The following STK17A variants were observed in gnomAD, a reference collection of about 807,000 sequenced individuals.
The protein encoded by STK17A is serine/threonine-protein kinase 17A.
STK17A carries 26 observed loss-of-function variants against 43.7 expected under a neutral mutation model. The ratio of observed to expected loss-of-function variants is 0.60; its 90% CI spans 0.44 to 0.83. The LOEUF is 0.83. Ranked by LOEUF, STK17A falls within the 40% of genes least tolerant of loss-of-function variation. STK17A has a pLI of 0.00. For synonymous variants in STK17A, 191 were observed against 182.5 expected, an observed-to-expected ratio of 1.05 and a Z score of -0.38; for missense variants, 476 against 511.6, an observed-to-expected ratio of 0.93 and a Z score of 0.67.
chr7:43,594,032 G>A (rs1305672981), intron 1 of STK17A, among the ~76,000 whole-genome samples: 1 of 152,130 alleles, frequency 6.6e-6, no homozygotes, highest in African/African-American at 2.4e-5. Flanking sequence ...TGCTTTGATC[G>A]ATTATACCTG....
At chr7:43,583,697 G>A (rs1205486413) in intron 1 of STK17A, among the ~76,000 whole-genome samples, 1 of 152,212 alleles carries the variant, frequency 6.6e-6, no homozygotes, top group East Asian at 1.9e-4. Context: ...CGGAGGCGCG[G>A]ACACTTTCCT....
At chr7:43,594,889 A>AC in intron 1 of STK17A, among the ~76,000 whole-genome samples, 1 of 144,958 alleles carries the variant, frequency 6.9e-6, no homozygotes, top group East Asian at 2.1e-4. Context: ...AAAAAAAAAA[A>AC]AGAAAGAAAG....
At chr7:43,589,932 AT>A (rs1428027542) in intron 1 of STK17A, among the ~76,000 whole-genome samples, 1 of 113,442 alleles carries the variant, frequency 8.8e-6, no homozygotes, top group African/African-American at 2.8e-5. Flanking sequence ...TTTAATTTTA[AT>A]TTTAATTTTA....
At position 43,624,448 on chromosome 7, in the gene STK17A, A is replaced by G. The variant is rs147982306; in HGVS notation, c.921-70A>G. 3.5e-6 allele frequency: 5 copies of G among 1,442,464 alleles called. No individual in the cohort carries two copies. The African/African-American group carries it at 5.7e-5, about 17-fold the overall frequency. 89.4% of individuals were successfully genotyped at this position (1,442,464 alleles called of 1,614,324 possible). The stretch of plus-strand genomic sequence containing the variant: ...CTTCCCAAAATATAATGCAATAAAT[A>G]CAGTACCTTATGCTCTAATTTTAAT... On this transcript the variant is annotated intron_variant, in intron 6 of 6. Coordinates refer to ENST00000319357, the MANE Select transcript of STK17A (RefSeq NM_004760.3).
chr7:43,617,177 A>G (rs949550054), intron 3 of STK17A, among the ~76,000 whole-genome samples: 2 of 152,170 alleles, frequency 1.3e-5, no homozygotes, highest in African/African-American at 4.8e-5. Context: ...CTGGAGAGCT[A>G]GTTAGGCAGA....
At position 43,607,307 on chromosome 7, in the gene STK17A, T is replaced by C. The variant is rs191473642; in HGVS notation, c.420-949T>C. ...TAGTTAGCAGTATATTTTGTGCTTA[T>C]GTAAACTACTTAAATTGTTGAAAAC... On this transcript the variant is annotated intron_variant, in intron 2 of 6. Coordinates refer to ENST00000319357, the MANE Select transcript of STK17A (RefSeq NM_004760.3). 3.9e-4 allele frequency among the ~76,000 whole-genome samples: 59 copies of C among 152,274 alleles called. 1 individual carries two copies. Among genetic ancestry groups the C allele is most frequent in the Middle Eastern group, 3.4e-3 (1 of 294 alleles).
At position 43,623,877 on chromosome 7, in the gene STK17A, T is replaced by C. The variant is rs535467337; in HGVS notation, c.909T>C (p.Val303=). 2 of 1,542,730 alleles carry C rather than the reference T, an allele frequency of 1.3e-6. No homozygotes were observed. The highest frequency in any genetic ancestry group is 1.4e-5 in the African/African-American group (1 of 72,366). The part of the protein sequence containing the change: ...SAVDFIRTLL[V]KKPEDRATAE... ...TTGATTTCATCAGGACACTTTTAGT[T>C]AAGAAACCTGAGTAAGTATTATTTT... Residue 303 remains valine, a synonymous_variant, in exon 6 of 7, where the codon GTT becomes GTC. Coordinates refer to ENST00000319357, the MANE Select transcript of STK17A (RefSeq NM_004760.3).
In STK17A at chr7:43,608,392, G is replaced by A; in HGVS notation, c.556G>A (p.Asp186Asn). The change falls in exon 3 of 7, where the codon GAT (aspartate) becomes AAT (asparagine). Residue 186 changes from aspartate (D) to asparagine (N), a missense_variant. Asp to Asn is a conservative substitution (Grantham distance 23, BLOSUM62 1). This residue lies in a region of STK17A where 320 missense variants were observed against 326.3 expected (regional missense o/e 0.98). Coordinates refer to ENST00000319357, the MANE Select transcript of STK17A (RefSeq NM_004760.3). The stretch of plus-strand genomic sequence containing the variant: ...ACACACTCGTGATGTAGTTCATCTT[G>A]ATTTGAAGGTAAGATTCAAATTACA... Reference protein sequence around the residue: ...FLHTRDVVHLDLKPQNILLTS... With the variant: ...FLHTRDVVHLNLKPQNILLTS... 1.3e-6 allele frequency: 2 copies of A among 1,599,854 alleles called. No homozygotes were observed. The highest frequency in any genetic ancestry group is 8.5e-7 in the Non-Finnish European group (1 of 1,175,350).
chr7:43,592,561 C>T (rs1331205364), intron 1 of STK17A, among the ~76,000 whole-genome samples: 1 of 151,712 alleles, frequency 6.6e-6, no homozygotes, highest in African/African-American at 2.4e-5. Context: ...TAGAATTTAA[C>T]AGGGCAGGCC....
intron 3 of STK17A, among the ~76,000 whole-genome samples, chr7:43,615,909 T>C (rs963512158): frequency 1.3e-5 from 2 of 152,188 alleles, no homozygotes; most frequent in East Asian, 1.9e-4. Context: ...AGGCCTTCTC[T>C]GACTCCCCTA....
rs2084451771 is a variant in STK17A, at chr7:43,625,761, GA to G, written c.*920del. The G allele has an allele frequency of 2.0e-5, 3 of 151,786 alleles. No homozygotes were observed. Among genetic ancestry groups the G allele is most frequent in the African/African-American group, 7.3e-5 (3 of 41,144 alleles). The allele number at this position is 151,786 out of a possible 1,614,324, so 9.4% of individuals were successfully genotyped here. On this transcript the variant is annotated 3_prime_UTR_variant, in exon 7 of 7. Transcript: ENST00000319357. ...AGTAAAATCCCCTAGAGCAGAGAGA[GA>G]GAGAGAGAGAGAGAGTGTCTTCATG...
intron 3 of STK17A, among the ~76,000 whole-genome samples, chr7:43,615,533 G>A (rs2152993335): frequency 6.6e-6 from 1 of 152,276 alleles, no homozygotes; most frequent in Middle Eastern, 3.4e-3. Context: ...GCCTTGAAAA[G>A]TCTGAGGACT....
intron 1 of STK17A, among the ~76,000 whole-genome samples, chr7:43,591,215 C>T (rs1210055061): frequency 6.6e-6 from 1 of 151,430 alleles, no homozygotes; most frequent in Non-Finnish European, 1.5e-5. Context: ...CTACAGCCAG[C>T]CACCTATTTT....
intron 2 of STK17A, among the ~76,000 whole-genome samples, chr7:43,598,460 A>C (rs1171018333): frequency 4.3e-5 from 6 of 139,752 alleles, no homozygotes; most frequent in African/African-American, 1.3e-4. Context: ...ACACAGCAAG[A>C]CTCCGTCTCA....
chr7:43,593,393 T>C (rs1340397515), intron 1 of STK17A, among the ~76,000 whole-genome samples: 2 of 152,236 alleles, frequency 1.3e-5, no homozygotes, highest in Non-Finnish European at 2.9e-5. Flanking sequence ...TAATTTCTTT[T>C]CCTTTGGGCA....
At position 43,583,286 on chromosome 7, in the gene STK17A, G is replaced by A; in HGVS notation, c.43G>A (p.Gly15Ser). The A allele has an allele frequency of 6.5e-7, 1 of 1,543,260 alleles. No homozygotes were observed. The highest frequency in any genetic ancestry group is 1.2e-5 in the South Asian group (1 of 84,400). The stretch of plus-strand genomic sequence containing the variant: ...GCCAGGCAGCGGCGGCTCCTCCCCA[G>A]GCGCCACCTCAGGCTCGGGCCGGGC... ...EKPGSGGSSP[G>S]ATSGSGRAGR... is the part of the protein sequence containing the mutation. The change falls in exon 1 of 7, where the codon GGC becomes AGC. Residue 15 changes from glycine to serine, a missense_variant. This residue lies in a region of STK17A where 320 missense variants were observed against 326.3 expected (regional missense o/e 0.98). Coordinates refer to ENST00000319357, the MANE Select transcript of STK17A (RefSeq NM_004760.3).
At position 43,623,700 on chromosome 7, in the gene STK17A, C is replaced by T. The variant is rs2084170436; in HGVS notation, c.741-9C>T. On this transcript the variant is annotated splice_polypyrimidine_tract_variant and intron_variant, in intron 5 of 6. Coordinates refer to ENST00000319357, the MANE Select transcript of STK17A (RefSeq NM_004760.3). Reference sequence around the variant, plus strand: ...ACTAAATTTTTCTTGCATTTTCTTTCTAATTTAGGAGCATTGGAGTGTTAA... The same window carrying T: ...ACTAAATTTTTCTTGCATTTTCTTTTTAATTTAGGAGCATTGGAGTGTTAA... 1.2e-6 allele frequency: 2 copies of T among 1,600,442 alleles called. No individual in the cohort carries two copies.
chr7:43,603,789 T>A lies in STK17A; in HGVS notation c.420-4467T>A, dbSNP rs142000472. On this transcript the variant is annotated intron_variant, in intron 2 of 6. Coordinates refer to ENST00000319357, the MANE Select transcript of STK17A (RefSeq NM_004760.3). Reference sequence around the variant, plus strand: ...GAGTGACACCTTCACTTTCTGATGGTTCAGTGTACACAAACTTTGTTTCAT... The same window carrying A: ...GAGTGACACCTTCACTTTCTGATGGATCAGTGTACACAAACTTTGTTTCAT... Among the ~76,000 whole-genome samples, 727 of 152,322 alleles carry A rather than the reference T, an allele frequency of 4.8e-3. 3 individuals are homozygous for A. Among genetic ancestry groups the A allele is most frequent in the African/African-American group, 0.017 (692 of 41,570 alleles).
chr7:43,625,409 G>A lies in STK17A; in HGVS notation c.*567G>A, dbSNP rs1232683023. ...TTTATAGTGACTTGATTTGGTTTCT[G>A]TTGTGTTTTTGCCTAAATACTAGTA... On this transcript the variant is annotated 3_prime_UTR_variant, in exon 7 of 7. Transcript: ENST00000319357. 6.6e-6 allele frequency: 1 copy of A among 152,098 alleles called. No homozygotes were observed. The highest frequency in any genetic ancestry group is 2.4e-5 in the African/African-American group (1 of 41,400). 9.4% of individuals were successfully genotyped at this position (152,098 alleles called of 1,614,324 possible).
Sources: allele counts gnomAD v4.1 joint callset (sites outside exome capture counted in the v4.1 genomes callset), GRCh38; gene constraint gnomAD v4.1.1; regional missense constraint gnomAD v4.1.1; transcripts MANE v1.5; gene names NCBI Gene and HGNC (gene_info 2026-07-23, HGNC 2026-07-21).